The following PLCH1 variants were observed in gnomAD, a reference collection of about 807,000 sequenced individuals.
PLCH1 encodes 1-phosphatidylinositol 4,5-bisphosphate phosphodiesterase eta-1.
A neutral mutation model predicts 126.7 loss-of-function variants in PLCH1; 60 were observed. The observed-to-expected ratio is 0.47, with a 90% CI of 0.38 to 0.59. The LOEUF is 0.59. PLCH1 is among the 20% of genes least tolerant of loss of function. The pLI, the probability that PLCH1 is intolerant of heterozygous loss-of-function variation, is 0.00. For missense variants in PLCH1, 1,723 were observed against 2,040.0 expected, an observed-to-expected ratio of 0.84 and a Z score of 2.99; for synonymous variants, 719 against 734.9, an observed-to-expected ratio of 0.98 and a Z score of 0.35.
At chr3:155,579,672 G>A (rs1046556516) in intron 6 of PLCH1, among the ~76,000 whole-genome samples, 7 of 152,198 alleles carry the variant, frequency 4.6e-5, no homozygotes, top group Non-Finnish European at 7.3e-5. Context: ...TTGGGAGTTT[G>A]AAAGAGACAT....
intron 14 of PLCH1, among the ~76,000 whole-genome samples, chr3:155,498,955 G>C (rs1717486390): frequency 1.3e-5 from 2 of 152,052 alleles, no homozygotes; most frequent in African/African-American, 4.8e-5. Context: ...CTAAACTTTA[G>C]TGTTCAATTA....
intron 10 of PLCH1, among the ~76,000 whole-genome samples, chr3:155,536,814 A>C (rs1429593826): frequency 6.6e-6 from 1 of 152,172 alleles, no homozygotes; most frequent in Non-Finnish European, 1.5e-5. Flanking sequence ...AAATACAAGA[A>C]GCTCAAAGAA....
At chr3:155,594,737 C>T (rs1185479050) in intron 3 of PLCH1, among the ~76,000 whole-genome samples, 1 of 151,940 alleles carries the variant, frequency 6.6e-6, no homozygotes, top group Admixed American at 6.6e-5. Context: ...GGCAATAATT[C>T]AGGACGTGTT....
Position 155,494,337 on chromosome 3 carries a change from C to T in PLCH1, c.2074+1G>A. 1 of 1,614,048 alleles carries T rather than the reference C, an allele frequency of 6.2e-7. No homozygotes were observed. Among genetic ancestry groups the T allele is most frequent in the Non-Finnish European group, 8.5e-7 (1 of 1,179,944 alleles). On this transcript the variant is annotated splice_donor_variant, in intron 16 of 22. Transcript: ENST00000460012. LOFTEE classifies it high-confidence loss of function. ...ACCACTCCTTCCCAAGGAATACACA[C>T]CTAGCTGGCAGCCTGCGTTCCAGTA...
In PLCH1 at chr3:155,500,791, T is replaced by C. The variant is rs187209104; in HGVS notation, c.1708A>G (p.Thr570Ala). 6.2e-7 allele frequency: 1 copy of C among 1,606,982 alleles called. No homozygotes were observed. Among genetic ancestry groups the C allele is most frequent in the Non-Finnish European group, 8.5e-7 (1 of 1,173,794 alleles). The stretch of plus-strand genomic sequence containing the variant: ...TAAGATTTAGACCGTGATTTTGTAG[T>C]TTTCTGCCAGAAAAATCAAAACAAA... Reference protein sequence around the residue: ...LMTNFGKHKKTTKSRSKSYST... With the variant: ...LMTNFGKHKKATKSRSKSYST... Residue 570 changes from threonine (T) to alanine (A), a missense_variant, in exon 14 of 23, where the codon ACT (threonine) becomes GCT (alanine). Physicochemically the swap from Thr to Ala is moderately conservative, Grantham distance 58. This residue lies in a region of PLCH1 where 776 missense variants were observed against 1,062.9 expected (regional missense o/e 0.73). Coordinates refer to ENST00000460012, the MANE Select transcript of PLCH1 (RefSeq NM_014996.4).
chr3:155,522,370 T>A (rs1721217697), intron 11 of PLCH1, among the ~76,000 whole-genome samples: 1 of 152,242 alleles, frequency 6.6e-6, no homozygotes, highest in Non-Finnish European at 1.5e-5. Flanking sequence ...CTATTTAGAT[T>A]TTCTGTAACC....
At chr3:155,672,101 A>G (rs578152098) in intron 2 of PLCH1, among the ~76,000 whole-genome samples, 1 of 152,288 alleles carries the variant, frequency 6.6e-6, no homozygotes, top group African/African-American at 2.4e-5. Context: ...GACTGATATA[A>G]TAGAAGGACC....
chr3:155,538,754 T>TA (rs1723796110), intron 10 of PLCH1, among the ~76,000 whole-genome samples: 2 of 151,556 alleles, frequency 1.3e-5, no homozygotes, highest in South Asian at 2.1e-4. Flanking sequence ...GAAATGCTAA[T>TA]AAAAAAAATT....
intron 2 of PLCH1, among the ~76,000 whole-genome samples, chr3:155,628,820 C>T (rs1326234760): frequency 1.2e-4 from 18 of 152,068 alleles, no homozygotes; most frequent in East Asian, 9.6e-4. Flanking sequence ...CTTGTTGAGG[C>T]GTTTTCTTGT....
chr3:155,577,429 A>G (rs938150210), intron 6 of PLCH1, among the ~76,000 whole-genome samples: 3 of 152,042 alleles, frequency 2.0e-5, no homozygotes, highest in Admixed American at 6.6e-5. Flanking sequence ...CACATTAAGG[A>G]AATTCACTAT....
At chr3:155,694,731 T>G (rs1390794743) in intron 2 of PLCH1, among the ~76,000 whole-genome samples, 2 of 152,222 alleles carry the variant, frequency 1.3e-5, no homozygotes, top group Non-Finnish European at 2.9e-5. Flanking sequence ...AGGTGTTTAC[T>G]TCTCAGAGTG....
intron 10 of PLCH1, among the ~76,000 whole-genome samples, chr3:155,542,135 A>T (rs1202435520): frequency 1.3e-5 from 2 of 152,200 alleles, no homozygotes; most frequent in East Asian, 3.9e-4. Context: ...TCCCAGTCAA[A>T]GAAAGGGGTG....
chr3:155,630,130 A>G (rs898438522), intron 2 of PLCH1, among the ~76,000 whole-genome samples: 16 of 152,216 alleles, frequency 1.1e-4, no homozygotes, highest in Non-Finnish European at 2.2e-4. Flanking sequence ...CAGTAACTAC[A>G]TACATTTTTG....
chr3:155,587,489 C>G (rs1269142037), intron 4 of PLCH1, among the ~76,000 whole-genome samples: 2 of 152,178 alleles, frequency 1.3e-5, no homozygotes, highest in African/African-American at 4.8e-5. Context: ...TTAGCACACT[C>G]TTCTACACAT....
intron 2 of PLCH1, among the ~76,000 whole-genome samples, chr3:155,665,007 G>C (rs1158576150): frequency 6.6e-6 from 1 of 152,070 alleles, no homozygotes; most frequent in Non-Finnish European, 1.5e-5. Flanking sequence ...TTGCAGTTGG[G>C]TGTGGCCATG....
At chr3:155,568,778 G>A (rs1390751413) in intron 6 of PLCH1, among the ~76,000 whole-genome samples, 1 of 151,986 alleles carries the variant, frequency 6.6e-6, no homozygotes, top group Admixed American at 6.6e-5. Context: ...GTGTGTGTGT[G>A]TGTGTTTGTA....
intron 1 of PLCH1, among the ~76,000 whole-genome samples, chr3:155,729,479 G>C (rs959077844): frequency 3.3e-5 from 5 of 152,208 alleles, no homozygotes; most frequent in African/African-American, 1.2e-4. Flanking sequence ...TTTAAAAGAG[G>C]GAGGAGAATA....
chr3:155,741,682 C>CTATTTTTTTT (rs1491132149), intron 1 of PLCH1, among the ~76,000 whole-genome samples: 1 of 83,088 alleles, frequency 1.2e-5, no homozygotes, highest in East Asian at 3.9e-4. Flanking sequence ...ATTTTATATC[C>CTATTTTTTTT]TCTTTTTTTT....
chr3:155,602,919 G>A (rs1733922773), intron 2 of PLCH1, among the ~76,000 whole-genome samples: 1 of 152,048 alleles, frequency 6.6e-6, no homozygotes, highest in South Asian at 2.1e-4. Context: ...CCTTGTTCTA[G>A]CCTTTGAAAG....
Sources: allele counts gnomAD v4.1 joint callset (sites outside exome capture counted in the v4.1 genomes callset), GRCh38; gene constraint gnomAD v4.1.1; regional missense constraint gnomAD v4.1.1; transcripts MANE v1.5; gene names NCBI Gene and HGNC (gene_info 2026-07-23, HGNC 2026-07-21).